Variants in LIMS1 observed in about 807,000 individuals in gnomAD.
LIMS1 encodes LIM and senescent cell antigen-like-containing domain protein 1.
A neutral mutation model predicts 44.1 loss-of-function variants in LIMS1; 18 were observed. The observed-to-expected ratio is 0.41, with a 90% CI of 0.28 to 0.61. LIMS1 has a LOEUF of 0.61. Ranked by LOEUF, LIMS1 falls within the 20% of genes least tolerant of loss-of-function variation. The pLI, the probability that LIMS1 is intolerant of heterozygous loss-of-function variation, is 0.32. For synonymous variants in LIMS1, 93 were observed against 149.1 expected (o/e 0.62, Z 2.74); for missense variants, 201 against 422.0 (o/e 0.48, Z 4.59).
intron 1 of LIMS1, among the ~76,000 whole-genome samples, chr2:108,642,337 TTTTTG>T (rs1238818965): frequency 1.5e-4 from 3 of 20,260 alleles, no homozygotes; most frequent in African/African-American, 3.8e-4. Flanking sequence ...CTACTAGTGT[TTTTTG>T]TTTTTTTTTT....
chr2:108,553,074 G>A (rs1014462372), intron 1 of LIMS1, among the ~76,000 whole-genome samples: 1 of 152,318 alleles, frequency 6.6e-6, no homozygotes, highest in Non-Finnish European at 1.5e-5. Flanking sequence ...GTGATGGGAT[G>A]TTAAAGAGAA....
chr2:108,632,563 C>G (rs1014634036), intron 1 of LIMS1, among the ~76,000 whole-genome samples: 2 of 152,130 alleles, frequency 1.3e-5, no homozygotes, highest in African/African-American at 4.8e-5. Context: ...TGTTCTTTAT[C>G]AGGCAGTGCT....
At chr2:108,578,951 A>G (rs898943900) in intron 1 of LIMS1, among the ~76,000 whole-genome samples, 3 of 152,198 alleles carry the variant, frequency 2.0e-5, no homozygotes, top group African/African-American at 7.2e-5. Context: ...ATGTAGGGAT[A>G]TCATTTTTTT....
At chr2:108,676,189 T>A (rs1256274125) in intron 6 of LIMS1, among the ~76,000 whole-genome samples, 161 bp downstream of exon 6, 1 of 152,246 alleles carries the variant, frequency 6.6e-6, no homozygotes, top group East Asian at 1.9e-4. Flanking sequence ...AGATTAAACG[T>A]GGACATTTTA....
intron 1 of LIMS1, among the ~76,000 whole-genome samples, chr2:108,636,575 GGTAGCA>G (rs201115023): frequency 6.6e-6 from 1 of 152,336 alleles, no homozygotes; most frequent in Non-Finnish European, 1.5e-5. Flanking sequence ...GATTCACAGA[GGTAGCA>G]GTAACTGCAT....
Position 108,647,379 on chromosome 2 carries a change from C to G in LIMS1, c.33-12226C>G, listed in dbSNP as rs370598414. ...GGATGGATTCACAGCTGAATTCTAC[C>G]AGAGGTACAAAGAGGAGCTGGTACC... On this transcript the variant is annotated intron_variant, in intron 1 of 9. Transcript: ENST00000544547. Among the ~76,000 whole-genome samples, 6 of 152,270 alleles carry G rather than the reference C, an allele frequency of 3.9e-5. No individual in the cohort carries two copies. The East Asian group carries it at 1.2e-3, about 29-fold the overall frequency.
chr2:108,533,861 G>C (rs1284336398), upstream of LIMS1: 1 of 152,568 alleles, frequency 6.6e-6, no homozygotes, highest in Admixed American at 6.5e-5. Context: ...TCCATGCGGA[G>C]CTCAGGCACC....
chr2:108,551,304 A>T (rs1225717947), intron 1 of LIMS1, among the ~76,000 whole-genome samples: 1 of 147,314 alleles, frequency 6.8e-6, no homozygotes, highest in African/African-American at 2.5e-5. Context: ...TATATATATA[A>T]ATATATATTT....
chr2:108,588,557 C>T (rs952226931), intron 1 of LIMS1: 6 of 985,342 alleles, frequency 6.1e-6, no homozygotes, highest in Non-Finnish European at 7.2e-6. Context: ...GTGACTAAGG[C>T]AAAGGAGTGG....
chr2:108,642,361 T>G lies in LIMS1; in HGVS notation c.33-17244T>G, dbSNP rs1256013668. 8.4e-4 allele frequency among the ~76,000 whole-genome samples: 18 copies of G among 21,474 alleles called. 1 individual carries two copies. Among genetic ancestry groups the G allele is most frequent in the Non-Finnish European group, 1.2e-3 (9 of 7,540 alleles). The allele number at this position is 21,474 out of a possible 152,430, so 14.1% of individuals were successfully genotyped here. A position where few individuals can be genotyped will look rare whatever the true frequency, so the allele number is the denominator to read the frequency against. Reference sequence around the variant, plus strand: ...TTTTTTGTTTTTTTTTTTTTTTGTTTTTTGTTTTTTTTTTTTGAGACGGAG... The same window carrying G: ...TTTTTTGTTTTTTTTTTTTTTTGTTGTTTGTTTTTTTTTTTTGAGACGGAG... On this transcript the variant is annotated intron_variant, in intron 1 of 9. Coordinates refer to ENST00000544547, the Ensembl canonical transcript of LIMS1.
chr2:108,596,869 A>T (rs116287805), intron 1 of LIMS1, among the ~76,000 whole-genome samples: 1,754 of 151,040 alleles, frequency 0.012, 42 homozygotes, highest in African/African-American at 0.041. Flanking sequence ...GGAAATAGGA[A>T]CTTGAAGTAC....
At chr2:108,623,403 A>G (rs549861608) in intron 1 of LIMS1, among the ~76,000 whole-genome samples, 3 of 152,228 alleles carry the variant, frequency 2.0e-5, no homozygotes, top group East Asian at 3.9e-4. Context: ...GTCTTGGTTT[A>G]TTCTTTTTTT....
chr2:108,679,759 T>TAAAAAC (rs1692824969), intron 8 of LIMS1, among the ~76,000 whole-genome samples: 1 of 150,966 alleles, frequency 6.6e-6, no homozygotes, highest in South Asian at 2.1e-4. Context: ...CTCTACAAAA[T>TAAAAAC]AAAAAATTAG....
chr2:108,541,038 A>G (rs1217868671), intron 1 of LIMS1, among the ~76,000 whole-genome samples: 3 of 152,216 alleles, frequency 2.0e-5, no homozygotes, highest in Admixed American at 6.5e-5. Flanking sequence ...GAATTGTTCT[A>G]TTACAGGTGT....
At chr2:108,616,742 C>T (rs1207423571) in intron 1 of LIMS1, among the ~76,000 whole-genome samples, 3 of 152,124 alleles carry the variant, frequency 2.0e-5, no homozygotes, top group African/African-American at 7.2e-5. Flanking sequence ...TGAGCCTACT[C>T]GCAATGGTAC....
chr2:108,621,473 G>C (rs1688236156), intron 1 of LIMS1: 2 of 1,541,938 alleles, frequency 1.3e-6, no homozygotes, highest in Non-Finnish European at 8.8e-7. Flanking sequence ...TGAGTGCAAA[G>C]TCATGGTTGG....
At chr2:108,669,863 A>G (rs1406761977) in intron 2 of LIMS1, among the ~76,000 whole-genome samples, 2 of 152,230 alleles carry the variant, frequency 1.3e-5, no homozygotes, top group South Asian at 2.1e-4. Flanking sequence ...TCATTTCACT[A>G]TCACTAAGAT....
At position 108,566,174 on chromosome 2, in the gene LIMS1, C is replaced by T. The variant is rs190434048; in HGVS notation, c.32+31580C>T. ...TAGGCCACTTCTCTGCTTTGCTTTC[C>T]TCATCAGCAAAGTGGGGATTACAGT... On this transcript the variant is annotated intron_variant, in intron 1 of 9. Coordinates refer to ENST00000544547, the Ensembl canonical transcript of LIMS1. 2.6e-5 allele frequency among the ~76,000 whole-genome samples: 4 copies of T among 152,294 alleles called. No individual in the cohort carries two copies. The East Asian group carries it at 7.7e-4, about 29-fold the overall frequency.
In LIMS1 at chr2:108,594,893, A is replaced by G. The variant is rs191269310; in HGVS notation, c.32+60299A>G. On this transcript the variant is annotated intron_variant, in intron 1 of 9. Coordinates refer to ENST00000544547, the Ensembl canonical transcript of LIMS1. ...ACCAAAGTAGACAGCATAGCTCTAA[A>G]AAAAAGGTAGACAGACTCATCCTAA... Among the ~76,000 whole-genome samples the G allele has an allele frequency of 8.8e-4, 134 of 152,234 alleles. 1 individual carries two copies. The highest frequency in any genetic ancestry group is 1.4e-3 in the Admixed American group (22 of 15,288).
Sources: gnomAD v4.1 joint callset for allele counts (sites outside exome capture counted in the v4.1 genomes callset) on GRCh38, gnomAD v4.1.1 for gene constraint, MANE v1.5 for transcripts, NCBI Gene and HGNC (gene_info 2026-07-23, HGNC 2026-07-21) for gene names.